Variants in AARS1 observed in about 807,000 individuals in gnomAD.
The protein encoded by AARS1 is alanine--tRNA ligase, cytoplasmic.
AARS1 carries 72 observed loss-of-function variants against 108.9 expected under a neutral mutation model. The observed-to-expected ratio is 0.66, with a 90% CI of 0.55 to 0.80. AARS1 has a LOEUF of 0.80. AARS1 is among the 30% of genes least tolerant of loss of function. The pLI is 0.00. For missense variants in AARS1, 1,193 were observed against 1,233.2 expected (o/e 0.97, Z 0.49); for synonymous variants, 489 against 465.7 (o/e 1.05, Z -0.64).
Position 70,258,138 on chromosome 16 carries a change from G to A in AARS1, c.2072C>T (p.Pro691Leu), listed in dbSNP as rs1357995068. 1 of 1,612,796 alleles carries A rather than the reference G, an allele frequency of 6.2e-7. No homozygotes were observed. Among genetic ancestry groups the A allele is most frequent in the South Asian group, 1.1e-5 (1 of 90,742 alleles). ...GLRAVFDETY[P>L]DPVRVVSIGV... ...AATGGAGACGACTCGCACAGGGTCA[G>A]GATAGGTCTCATCAAACACAGCCCG... The change falls in exon 15 of 21, where the codon CCT (proline) becomes CTT (leucine). Residue 691 changes from proline (P) to leucine (L), a missense_variant. By Grantham distance (98) the Pro-to-Leu change is moderately conservative. Coordinates refer to ENST00000261772, the MANE Select transcript of AARS1 (RefSeq NM_001605.3).
chr16:70,279,218 G>C lies in AARS1; in HGVS notation c.145-2064C>G, dbSNP rs564591399. Among the ~76,000 whole-genome samples, 35 of 151,792 alleles carry C rather than the reference G, an allele frequency of 2.3e-4. 1 individual carries two copies. The South Asian group carries it at 6.5e-3, about 28-fold the overall frequency. On this transcript the variant is annotated intron_variant, in intron 2 of 20. Coordinates refer to ENST00000261772, the MANE Select transcript of AARS1 (RefSeq NM_001605.3). ...TATAAAAATTAGACAGGCATGGTGG[G>C]GGGGTGCCTGTAGTCCCAGCTACTT... is the stretch of plus-strand genomic sequence containing the variant.
At position 70,262,380 on chromosome 16, in the gene AARS1, C is replaced by G; in HGVS notation, c.1637G>C (p.Gly546Ala). 6.2e-7 allele frequency: 1 copy of G among 1,614,210 alleles called. No homozygotes were observed. The highest frequency in any genetic ancestry group is 8.5e-7 in the Non-Finnish European group (1 of 1,180,036). ...GCTGTCATCCACCTTCACCAGGTAG[C>G]CTTCGTCATAGATCTGGCCTCCTTG... is the stretch of plus-strand genomic sequence containing the variant. ...AEQGGQIYDE[G>A]YLVKVDDSSE... The change falls in exon 12 of 21, where the codon GGC becomes GCC. Residue 546 changes from glycine (G) to alanine (A), a missense_variant. Physicochemically the swap from Gly to Ala is moderately conservative, Grantham distance 60. Coordinates refer to ENST00000261772, the MANE Select transcript of AARS1 (RefSeq NM_001605.3).
At chr16:70,283,870 G>A (rs1167854593) in intron 1 of AARS1, among the ~76,000 whole-genome samples, 1 of 152,216 alleles carries the variant, frequency 6.6e-6, no homozygotes, top group Non-Finnish European at 1.5e-5. Context: ...TACTGAAAGT[G>A]AAAGTACAAG....
intron 1 of AARS1, among the ~76,000 whole-genome samples, chr16:70,287,264 A>G (rs1169335440): frequency 7.0e-5 from 10 of 142,352 alleles, no homozygotes; most frequent in Admixed American, 6.3e-4. Context: ...CAAAAAAAAA[A>G]AAAAAAAAAA....
chr16:70,265,483 A>G (rs1304392245), intron 10 of AARS1, 55 bp downstream of exon 10: 8 of 1,611,984 alleles, frequency 5.0e-6, no homozygotes, highest in Non-Finnish European at 6.8e-6. Flanking sequence ...TCTGCAGCCA[A>G]GTGGTGCTGG....
rs78344434 is a variant in AARS1 at position 70,262,711 on chromosome 16, A to G, written c.1493-187T>C. 0.093 allele frequency among the ~76,000 whole-genome samples: 14,132 copies of G among 151,484 alleles called. 2,156 individuals carry two copies. The highest frequency in any genetic ancestry group is 0.32 in the African/African-American group (13,272 of 41,308). On this transcript the variant is annotated intron_variant, in intron 11 of 20. Transcript: ENST00000261772. ...GCGGCCGGGCGCGGTGGCTCCCCCT[A>G]TAATCCCAGCACTTTGGGAGGTCGA...
Position 70,259,540 on chromosome 16 carries a change from C to T in AARS1, c.1786-354G>A, listed in dbSNP as rs573617856. ...CTCTGTCACCCAGGATAGAGTACAG[C>T]GGCGCGATTGTAGCTCAGTGCCACC... On this transcript the variant is annotated intron_variant, in intron 13 of 20. Coordinates refer to ENST00000261772, the MANE Select transcript of AARS1 (RefSeq NM_001605.3). 2.9e-3 allele frequency among the ~76,000 whole-genome samples: 446 copies of T among 152,146 alleles called. 2 individuals carry two copies. Among genetic ancestry groups the T allele is most frequent in the Non-Finnish European group, 4.2e-3 (286 of 68,014 alleles).
chr16:70,256,975 C>A (rs1289507126), intron 15 of AARS1, among the ~76,000 whole-genome samples: 1 of 151,970 alleles, frequency 6.6e-6, no homozygotes, highest in Non-Finnish European at 1.5e-5. Context: ...TTAGGCCAGG[C>A]ACGGTGGCTC....
At position 70,262,337 on chromosome 16, in the gene AARS1, T is replaced by C. The variant is rs1013897408; in HGVS notation, c.1671+9A>G. ...CTCCTCGGCTAACAAGGAAGAACTGTTGGCTCACATCTTCACTGCTGTCAT... is the reference window on the plus strand; with the variant it reads ...CTCCTCGGCTAACAAGGAAGAACTGCTGGCTCACATCTTCACTGCTGTCAT... On this transcript the variant is annotated intron_variant, in intron 12 of 20. Transcript: ENST00000261772. 3.7e-6 allele frequency: 6 copies of C among 1,614,154 alleles called. No individual in the cohort carries two copies. Among genetic ancestry groups the C allele is most frequent in the Middle Eastern group, 1.6e-4 (1 of 6,062 alleles).
chr16:70,268,013 A>G (rs572335687), intron 8 of AARS1, among the ~76,000 whole-genome samples: 114 of 152,328 alleles, frequency 7.5e-4, no homozygotes, highest in African/African-American at 2.7e-3. Context: ...ACTAAAACAG[A>G]AAAGATTAGC....
chr16:70,281,940 A>C (rs1960706040), intron 2 of AARS1, among the ~76,000 whole-genome samples: 1 of 152,102 alleles, frequency 6.6e-6, no homozygotes, highest in South Asian at 2.1e-4. Flanking sequence ...TCACAAGGTC[A>C]GGAGATTGAG....
At position 70,289,471 on chromosome 16, in the gene AARS1, G is replaced by A; in HGVS notation, c.-72C>T. ...TCCTCCCTCAGAGTCCCCCGCCAAG[G>A]GCCCGCTGCACCTATTCCCGCAGAC... is the stretch of plus-strand genomic sequence containing the variant. On this transcript the variant is annotated 5_prime_UTR_variant, in exon 1 of 21. Coordinates refer to ENST00000261772, the MANE Select transcript of AARS1 (RefSeq NM_001605.3). 2.3e-6 allele frequency: 1 copy of A among 429,010 alleles called. No homozygotes were observed. The highest frequency in any genetic ancestry group is 4.7e-6 in the Non-Finnish European group (1 of 212,458). 26.6% of individuals were successfully genotyped at this position (429,010 alleles called of 1,614,324 possible).
rs1474555097 is a variant in AARS1 at position 70,270,233 on chromosome 16, G to A, written c.779C>T (p.Thr260Ile). 6.2e-7 allele frequency: 1 copy of A among 1,614,174 alleles called. No individual in the cohort carries two copies. Residue 260 changes from threonine (T) to isoleucine (I), a missense_variant, in exon 6 of 21, where the codon ACT becomes ATT. Transcript: ENST00000261772. ...TTCAAAGTAAGGGACAAAAAGGTCA[G>A]TGTCATAGTTGGACATCTTATTCTG... ...VLQNKMSNYD[T>I]DLFVPYFEAI...
chr16:70,268,930 G>C (rs1055183985), intron 7 of AARS1, among the ~76,000 whole-genome samples: 18 of 152,212 alleles, frequency 1.2e-4, no homozygotes, highest in Non-Finnish European at 2.2e-4. Flanking sequence ...AAAGAGGCCG[G>C]GCATGGTGGC....
In AARS1 at chr16:70,261,133, C is replaced by A; in HGVS notation, c.1696G>T (p.Ala566Ser). ...EDKTEFTVKNAQVRGGYVLHI... is the reference protein window; with the variant it reads ...EDKTEFTVKNSQVRGGYVLHI... Reference sequence around the variant, plus strand: ...AGCACATACCCTCCTCGGACCTGAGCATTCTTCACTGTAAACTCTGTTTTC... The same window carrying A: ...AGCACATACCCTCCTCGGACCTGAGAATTCTTCACTGTAAACTCTGTTTTC... The change falls in exon 13 of 21, where the codon GCT (alanine) becomes TCT (serine). Residue 566 changes from alanine (A) to serine (S), a missense_variant. By Grantham distance (99) the Ala-to-Ser change is moderately conservative (BLOSUM62 1). Transcript: ENST00000261772. 6.2e-7 allele frequency: 1 copy of A among 1,613,638 alleles called. No homozygotes were observed. The highest frequency in any genetic ancestry group is 8.5e-7 in the Non-Finnish European group (1 of 1,179,682).
chr16:70,264,861 G>T, intron 11 of AARS1, 97 bp downstream of exon 11: 1 of 1,484,972 alleles, frequency 6.7e-7, no homozygotes, highest in Non-Finnish European at 9.3e-7. Context: ...GAGGCTGTCA[G>T]CAGTCTGCTG....
rs1374423400 is a variant in AARS1 at position 70,268,334 on chromosome 16, A to G, written c.1008T>C (p.His336=). ...AGCCCCTGCTGGCATTGAGCTTTTC[A>G]TGGGCGTATCGGACAGCTCGGCGGA... The part of the protein sequence containing the change: ...RILRRAVRYA[H]EKLNASRGFF... The change falls in exon 8 of 21, where the codon CAT becomes CAC. Residue 336 remains histidine (H), a synonymous_variant. Transcript: ENST00000261772. 9 of 1,614,186 alleles carry G rather than the reference A, an allele frequency of 5.6e-6. No individual in the cohort carries two copies. Among genetic ancestry groups the G allele is most frequent in the East Asian group, 4.5e-5 (2 of 44,878 alleles).
rs773781866 is a variant in AARS1 at position 70,267,830 on chromosome 16, T to TGAGG, written c.1072-25_1072-22dup. The TGAGG allele has an allele frequency of 1.9e-6, 3 of 1,614,082 alleles. No homozygotes were observed. In the East Asian group the frequency reaches 6.7e-5, roughly 36 times the overall value. ...TCTCCCTGACAAAGGGGAAGCAAGA[T>TGAGG]GAGGGGCTGGATGAAGCCAGAGACT... is the stretch of plus-strand genomic sequence containing the variant. On this transcript the variant is annotated intron_variant, in intron 8 of 20. Coordinates refer to ENST00000261772, the MANE Select transcript of AARS1 (RefSeq NM_001605.3).
chr16:70,262,074 A>G (rs1050491391), intron 12 of AARS1, among the ~76,000 whole-genome samples: 3 of 152,122 alleles, frequency 2.0e-5, no homozygotes, highest in South Asian at 4.1e-4. Context: ...CTACAAGGAC[A>G]TCTCCCCTTC....
Sources: gnomAD v4.1 joint callset for allele counts (sites outside exome capture counted in the v4.1 genomes callset) on GRCh38, gnomAD v4.1.1 for gene constraint, MANE v1.5 for transcripts, NCBI Gene and HGNC (gene_info 2026-07-23, HGNC 2026-07-21) for gene names.